Variants in HTT observed in about 807,000 individuals in gnomAD.
HTT encodes the protein huntingtin.
In HTT, 104 loss-of-function variants were observed where a neutral mutation model predicts 362.3. The observed-to-expected ratio is 0.29, with a 90% confidence interval of 0.24 to 0.34. The LOEUF (loss-of-function observed/expected upper bound fraction) is 0.34. Among genes scored for constraint, HTT ranks in the 10% least tolerant of loss-of-function variants. HTT has a pLI of 1.00. For missense variants in HTT, 3,301 were observed against 3,928.6 expected, an observed-to-expected ratio of 0.84 and a Z score of 4.27; for synonymous variants, 1,577 against 1,548.7, an observed-to-expected ratio of 1.02 and a Z score of -0.43.
chr4:3,165,160 A>G (rs1414492485), intron 29 of HTT, among the ~76,000 whole-genome samples: 2 of 152,176 alleles, frequency 1.3e-5, no homozygotes, highest in Non-Finnish European at 2.9e-5. Flanking sequence ...AAAGGATTTT[A>G]TTTCTCGTTC....
At chr4:3,188,719 A>C in intron 39 of HTT, 1 of 477,658 alleles carries the variant, frequency 2.1e-6, no homozygotes, top group Non-Finnish European at 3.8e-6. Context: ...TGTACAGTTC[A>C]CAAAGCTTAA....
intron 1 of HTT, among the ~76,000 whole-genome samples, chr4:3,078,179 G>A (rs28377140): frequency 6.6e-6 from 1 of 152,088 alleles, no homozygotes; most frequent in Non-Finnish European, 1.5e-5. Context: ...GCTTCTGGCA[G>A]TTTCTTATTC....
chr4:3,188,540 G>A (rs1419510824), intron 39 of HTT: 1 of 171,248 alleles, frequency 5.8e-6, no homozygotes, highest in Non-Finnish European at 1.2e-5. Context: ...CAGTGGAGAT[G>A]CCCTGTGTTG....
chr4:3,177,512 G>A (rs1417242531), intron 34 of HTT, 125 bp downstream of exon 34: 4 of 629,214 alleles, frequency 6.4e-6, no homozygotes, highest in Non-Finnish European at 5.4e-6. Context: ...ATGGAAATCT[G>A]ACTAACATAC....
chr4:3,178,178 C>T (rs1718325196), intron 34 of HTT, 120 bp from the exon 35 acceptor site: 2 of 751,782 alleles, frequency 2.7e-6, no homozygotes, highest in Admixed American at 4.8e-5. Context: ...AGATCACGGA[C>T]ACCTGTTAGC....
Position 3,233,093 on chromosome 4 carries a change from G to A in HTT, c.8266-70G>A, listed in dbSNP as rs765052344. On this transcript the variant is annotated intron_variant, in intron 60 of 66. Transcript: ENST00000355072. ...AGCGTGAGGGCAGCGCCCCCGCCTC[G>A]GCTGTGGGGAGGAGCCACTGGGACG... 118 of 1,349,946 alleles carry A rather than the reference G, an allele frequency of 8.7e-5. 1 individual carries two copies. The highest frequency in any genetic ancestry group is 7.9e-4 in the South Asian group (60 of 76,068). The allele number at this position is 1,349,946 out of a possible 1,614,324, so 83.6% of individuals were successfully genotyped here. A position where few individuals can be genotyped will look rare whatever the true frequency, so the allele number is the denominator to read the frequency against.
At chr4:3,178,496 G>T (rs1560581630) in intron 35 of HTT, 50 bp downstream of exon 35, 1 of 1,574,230 alleles carries the variant, frequency 6.4e-7, no homozygotes, top group Non-Finnish European at 8.7e-7. Context: ...GATGTGCTTG[G>T]CAGTGTTCGT....
intron 23 of HTT, 40 bp downstream of exon 23, chr4:3,142,926 A>C (rs1017596621): frequency 2.5e-6 from 4 of 1,580,442 alleles, no homozygotes; most frequent in Non-Finnish European, 2.6e-6. Context: ...ACATTGTAAT[A>C]GTTTTTGGTA....
intron 1 of HTT, among the ~76,000 whole-genome samples, chr4:3,084,724 C>G (rs554242207): frequency 2.7e-5 from 4 of 149,982 alleles, no homozygotes; most frequent in African/African-American, 9.8e-5. Flanking sequence ...TAAAATACAG[C>G]ATTACTGGGC....
chr4:3,081,113 T>C (rs2110136083), intron 1 of HTT, among the ~76,000 whole-genome samples: 1 of 152,350 alleles, frequency 6.6e-6, no homozygotes, highest in Middle Eastern at 3.4e-3. Context: ...CTTGTCAGTT[T>C]CAACAAAGAA....
chr4:3,197,010 G>C (rs1308991246), intron 40 of HTT, among the ~76,000 whole-genome samples: 1 of 152,106 alleles, frequency 6.6e-6, no homozygotes, highest in Admixed American at 6.5e-5. Flanking sequence ...TACTAAAAAG[G>C]CCTTTGCAGA....
At position 3,242,461 on chromosome 4, in the gene HTT, C is replaced by G. The variant is rs1321136728; in HGVS notation, c.*2402C>G. 6.6e-6 allele frequency: 1 copy of G among 152,228 alleles called. No homozygotes were observed. The highest frequency in any genetic ancestry group is 2.4e-5 in the African/African-American group (1 of 41,456). The allele number at this position is 152,228 out of a possible 1,614,324, so 9.4% of individuals were successfully genotyped here. On this transcript the variant is annotated 3_prime_UTR_variant, in exon 67 of 67. Coordinates refer to ENST00000355072, the MANE Select transcript of HTT (RefSeq NM_001388492.1). Reference sequence around the variant, plus strand: ...ACCTCTCAAGACGGAGATGCATGGCCTCTAAGAGTGCCCGTGTCGGTTCTT... The same window carrying G: ...ACCTCTCAAGACGGAGATGCATGGCGTCTAAGAGTGCCCGTGTCGGTTCTT...
chr4:3,156,069 A>G (rs527882035), intron 27 of HTT, among the ~76,000 whole-genome samples: 53 of 152,280 alleles, frequency 3.5e-4, no homozygotes, highest in African/African-American at 1.2e-3. Flanking sequence ...TATACAGTAG[A>G]TCTCTTGAAC....
intron 31 of HTT, 84 bp downstream of exon 31, chr4:3,173,215 A>G: frequency 9.2e-7 from 1 of 1,082,318 alleles, no homozygotes; most frequent in Non-Finnish European, 1.4e-6. Flanking sequence ...TAAAAACGAA[A>G]AATGTTAGCG....
chr4:3,210,144 C>T (rs1356438213), intron 47 of HTT, among the ~76,000 whole-genome samples, 195 bp downstream of exon 47: 2 of 152,026 alleles, frequency 1.3e-5, no homozygotes, highest in Non-Finnish European at 2.9e-5. Flanking sequence ...CAGATGGGGT[C>T]GGGACATGGG....
At chr4:3,126,397 A>G (rs1213297194) in intron 11 of HTT, among the ~76,000 whole-genome samples, 2 of 152,156 alleles carry the variant, frequency 1.3e-5, no homozygotes, top group Non-Finnish European at 2.9e-5. Context: ...GTACTTTATA[A>G]AAGATGAGGA....
intron 8 of HTT, among the ~76,000 whole-genome samples, chr4:3,119,941 C>T (rs905639724): frequency 6.6e-6 from 1 of 152,280 alleles, no homozygotes; most frequent in Middle Eastern, 3.4e-3. Context: ...AGCTACTCAA[C>T]ACTACCTTTG....
At chr4:3,200,431 T>C (rs1414129076) in intron 41 of HTT, among the ~76,000 whole-genome samples, 1 of 152,204 alleles carries the variant, frequency 6.6e-6, no homozygotes, top group Non-Finnish European at 1.5e-5. Context: ...GCCCTCTTTT[T>C]GCAAAAGGTT....
intron 1 of HTT, among the ~76,000 whole-genome samples, chr4:3,077,445 A>G (rs895020627): frequency 2.0e-5 from 3 of 152,166 alleles, no homozygotes; most frequent in African/African-American, 7.2e-5. Context: ...TTTGAGATGT[A>G]GTCTCACATT....
Sources: gnomAD v4.1 joint callset for allele counts (sites outside exome capture counted in the v4.1 genomes callset) on GRCh38, gnomAD v4.1.1 for gene constraint, MANE v1.5 for transcripts, NCBI Gene and HGNC (gene_info 2026-07-23, HGNC 2026-07-21) for gene names.